IL1RAPL1: variants seen among roughly 807,000 people sequenced by gnomAD.
The protein encoded by IL1RAPL1 is interleukin-1 receptor accessory protein-like 1.
Under a neutral mutation model 48.4 loss-of-function variants are expected in IL1RAPL1, and 3 were observed. The ratio of observed to expected loss-of-function variants is 0.06; its 90% CI spans 0.03 to 0.16. The LOEUF (loss-of-function observed/expected upper bound fraction) is 0.16. Among genes scored for constraint, IL1RAPL1 ranks in the 10% least tolerant of loss-of-function variants. The pLI is 1.00. For synonymous variants in IL1RAPL1, 185 were observed against 187.7 expected (o/e 0.99, Z 0.12); for missense variants, 349 against 530.6 (o/e 0.66, Z 3.36).
At chrX:28,841,602 T>A (rs1484906609) in intron 2 of IL1RAPL1, among the ~76,000 whole-genome samples, 1 of 111,041 alleles carries the variant, frequency 9.0e-6, no homozygotes, top group African/African-American at 3.3e-5. Flanking sequence ...TTGATAATCA[T>A]CATATAAGCC....
intron 6 of IL1RAPL1, among the ~76,000 whole-genome samples, chrX:29,744,443 T>C (rs1371408925): frequency 8.9e-6 from 1 of 112,412 alleles, no homozygotes; most frequent in Non-Finnish European, 1.9e-5. Flanking sequence ...TACAATTGTT[T>C]TTATATTCTG....
chrX:29,651,567 A>T (rs1235898026), intron 5 of IL1RAPL1, among the ~76,000 whole-genome samples: 1 of 111,227 alleles, frequency 9.0e-6, no homozygotes, highest in South Asian at 3.7e-4. Flanking sequence ...AATCTAAAAA[A>T]CTCATCTCAA....
intron 1 of IL1RAPL1, among the ~76,000 whole-genome samples, chrX:28,774,527 T>G (rs189355092): frequency 0.01 from 1,171 of 111,639 alleles, 19 homozygotes; most frequent in African/African-American, 0.037. Flanking sequence ...TTGAGCCACC[T>G]GCATTTTCTT....
chrX:28,652,175 A>G (rs926695921), intron 1 of IL1RAPL1, among the ~76,000 whole-genome samples: 5 of 111,351 alleles, frequency 4.5e-5, no homozygotes, highest in Admixed American at 9.6e-5. Context: ...CTTCTCAGAC[A>G]TGGTATCTTC....
intron 1 of IL1RAPL1, among the ~76,000 whole-genome samples, chrX:28,707,771 G>A (rs1339675487): frequency 9.0e-6 from 1 of 111,704 alleles, no homozygotes; most frequent in Non-Finnish European, 1.9e-5. Flanking sequence ...AATCTGAGCT[G>A]ATGACTAAAA....
At chrX:29,009,950 C>A (rs778031020) in intron 2 of IL1RAPL1, among the ~76,000 whole-genome samples, 2 of 111,539 alleles carry the variant, frequency 1.8e-5, no homozygotes, top group South Asian at 7.4e-4. Flanking sequence ...TTTTGTAGTT[C>A]TCCTTGTAAA....
chrX:29,226,444 C>CTT (rs57929074), intron 2 of IL1RAPL1, among the ~76,000 whole-genome samples: 1,387 of 86,832 alleles, frequency 0.016, 37 homozygotes, highest in African/African-American at 0.047. Flanking sequence ...TTCTTTCTTT[C>CTT]TTTTTTTTTT....
intron 3 of IL1RAPL1, among the ~76,000 whole-genome samples, chrX:29,354,465 G>A (rs1257146652): frequency 9.0e-6 from 1 of 111,627 alleles, no homozygotes; most frequent in South Asian, 3.7e-4. Flanking sequence ...GGGCAAAATC[G>A]CTTGACACAA....
At chrX:29,049,528 C>T (rs1304985115) in intron 2 of IL1RAPL1, among the ~76,000 whole-genome samples, 1 of 111,462 alleles carries the variant, frequency 9.0e-6, no homozygotes, top group Non-Finnish European at 1.9e-5. Context: ...TTTTCTGTTC[C>T]GTACATATTT....
chrX:29,572,771 C>G (rs1446169908), intron 5 of IL1RAPL1, among the ~76,000 whole-genome samples: 1 of 111,919 alleles, frequency 8.9e-6, no homozygotes, highest in Non-Finnish European at 1.9e-5. Context: ...AAAATGAAAA[C>G]TATTTCAAAC....
intron 2 of IL1RAPL1, among the ~76,000 whole-genome samples, chrX:29,230,523 A>AAAAAAAAAAAAAAAAAAAAAAAC (rs1931179968): frequency 1.1e-5 from 1 of 93,339 alleles, no homozygotes; most frequent in African/African-American, 4.2e-5. Flanking sequence ...AAAAAAAAAA[A>AAAAAAAAAAAAAAAAAAAAAAAC]AAAAAAAAAA....
At chrX:29,088,855 A>G (rs1315292524) in intron 2 of IL1RAPL1, among the ~76,000 whole-genome samples, 1 of 110,821 alleles carries the variant, frequency 9.0e-6, no homozygotes, top group Non-Finnish European at 1.9e-5. Flanking sequence ...AAAAATCCCT[A>G]TAAAGAAAAT....
At chrX:29,311,367 A>T (rs188112579) in intron 3 of IL1RAPL1, among the ~76,000 whole-genome samples, 116 of 112,024 alleles carry the variant, frequency 1.0e-3, no homozygotes, top group African/African-American at 3.6e-3. Flanking sequence ...GAGTAATCTC[A>T]GGAAAAATGT....
chrX:29,269,035 A>G (rs139771454), intron 2 of IL1RAPL1, among the ~76,000 whole-genome samples: 3,730 of 112,129 alleles, frequency 0.033, 161 homozygotes, highest in African/African-American at 0.12. Context: ...GTAGCTAAAG[A>G]AAGGATTCTG....
At chrX:29,505,956 A>G (rs1275873896) in intron 5 of IL1RAPL1, among the ~76,000 whole-genome samples, 1 of 111,887 alleles carries the variant, frequency 8.9e-6, no homozygotes, top group Non-Finnish European at 1.9e-5. Context: ...TTATTTTCAA[A>G]TACTCTGTCT....
At chrX:28,882,744 A>G (rs1159525882) in intron 2 of IL1RAPL1, among the ~76,000 whole-genome samples, 1 of 112,260 alleles carries the variant, frequency 8.9e-6, no homozygotes. Context: ...ATGAAATGCT[A>G]AAGAGTATCC....
intron 3 of IL1RAPL1, among the ~76,000 whole-genome samples, chrX:29,290,296 T>C (rs1408610725): frequency 8.9e-6 from 1 of 111,771 alleles, no homozygotes; most frequent in Non-Finnish European, 1.9e-5. Context: ...CAAACAAGCA[T>C]AAGAAGTCTC....
chrX:28,761,607 G>A (rs1427487228), intron 1 of IL1RAPL1, among the ~76,000 whole-genome samples: 1 of 110,786 alleles, frequency 9.0e-6, no homozygotes, highest in Non-Finnish European at 1.9e-5. Context: ...AAGGGAAAGA[G>A]CGGGGCAAGA....
intron 2 of IL1RAPL1, among the ~76,000 whole-genome samples, chrX:29,017,801 C>A (rs752598563): frequency 6.3e-5 from 7 of 111,549 alleles, no homozygotes; most frequent in Non-Finnish European, 1.3e-4. Flanking sequence ...AGATCTGTAC[C>A]TATCATCATG....
Sources: gnomAD v4.1 joint callset for allele counts (sites outside exome capture counted in the v4.1 genomes callset) on GRCh38, gnomAD v4.1.1 for gene constraint, MANE v1.5 for transcripts, NCBI Gene and HGNC (gene_info 2026-07-23, HGNC 2026-07-21) for gene names.